Variants in C8orf34 observed in about 807,000 individuals in gnomAD.
C8orf34 encodes the protein chromosome 8 open reading frame 34, also known as uncharacterized protein C8orf34.
In C8orf34, 65 loss-of-function variants were observed where a neutral mutation model predicts 68.3. The observed-to-expected ratio is 0.95, with a 90% CI of 0.78 to 1.17. The LOEUF (loss-of-function observed/expected upper bound fraction) is 1.17. C8orf34 is among the 50% of genes most tolerant of loss of function. The pLI is 0.00. For missense variants in C8orf34, 664 were observed against 655.4 expected, an observed-to-expected ratio of 1.01 and a Z score of -0.14; for synonymous variants, 244 against 241.2, an observed-to-expected ratio of 1.01 and a Z score of -0.11.
intron 1 of C8orf34, among the ~76,000 whole-genome samples, chr8:68,342,495 AG>A (rs1425825539): frequency 5.3e-5 from 8 of 152,110 alleles, no homozygotes; most frequent in Non-Finnish European, 1.0e-4. Context: ...TCAGCAGTGT[AG>A]TAGCCCCCTC....
chr8:68,525,551 T>A, intron 6 of C8orf34: 1 of 907,758 alleles, frequency 1.1e-6, no homozygotes, highest in South Asian at 1.4e-5. Context: ...CCCTCCTGTG[T>A]GTCTTCGTCT....
intron 1 of C8orf34, among the ~76,000 whole-genome samples, chr8:68,408,389 A>T (rs571969443): frequency 8.9e-4 from 136 of 152,000 alleles, no homozygotes; most frequent in African/African-American, 3.0e-3. Context: ...TCATCCTGAA[A>T]CCATCCCCGC....
intron 7 of C8orf34, among the ~76,000 whole-genome samples, chr8:68,592,850 G>C (rs958195167): frequency 6.6e-6 from 1 of 151,648 alleles, no homozygotes; most frequent in African/African-American, 2.4e-5. Flanking sequence ...CTTGTGATTT[G>C]CCCACTTTGG....
chr8:68,484,081 T>G (rs1176059133), intron 4 of C8orf34, among the ~76,000 whole-genome samples: 1 of 152,232 alleles, frequency 6.6e-6, no homozygotes, highest in Non-Finnish European at 1.5e-5. Flanking sequence ...CATCTGCCTT[T>G]GGGGAGGCCT....
intron 1 of C8orf34, among the ~76,000 whole-genome samples, chr8:68,422,221 C>T (rs1810010582): frequency 6.6e-6 from 1 of 152,144 alleles, no homozygotes; most frequent in Admixed American, 6.6e-5. Context: ...CCCAAAAGTC[C>T]AAGTCCAAAG....
chr8:68,493,234 A>T (rs1162603877), intron 5 of C8orf34, among the ~76,000 whole-genome samples: 2 of 152,208 alleles, frequency 1.3e-5, no homozygotes. Flanking sequence ...TACACATCTG[A>T]TAAGAAGTTA....
intron 1 of C8orf34, among the ~76,000 whole-genome samples, chr8:68,372,501 G>A (rs1807602668): frequency 6.6e-6 from 1 of 152,046 alleles, no homozygotes; most frequent in Non-Finnish European, 1.5e-5. Flanking sequence ...TTCTCTGGTG[G>A]GCCAAGGGGT....
intron 7 of C8orf34, among the ~76,000 whole-genome samples, chr8:68,632,400 A>C (rs1260005825): frequency 4.6e-5 from 7 of 152,210 alleles, no homozygotes; most frequent in Non-Finnish European, 8.8e-5. Flanking sequence ...ATTCGTTCAC[A>C]AAGAAAAAAT....
chr8:68,420,684 T>C (rs1809928195), intron 1 of C8orf34, among the ~76,000 whole-genome samples: 1 of 152,108 alleles, frequency 6.6e-6, no homozygotes, highest in Admixed American at 6.6e-5. Flanking sequence ...GTTCAGGGGA[T>C]AGAGGCAATA....
intron 3 of C8orf34, among the ~76,000 whole-genome samples, chr8:68,448,927 TA>T (rs1811231241): frequency 2.6e-5 from 4 of 152,050 alleles, no homozygotes; most frequent in African/African-American, 9.6e-5. Flanking sequence ...ATCATAATCA[TA>T]AAAGGTTATT....
intron 12 of C8orf34, among the ~76,000 whole-genome samples, chr8:68,790,286 A>C (rs1290353375): frequency 2.0e-5 from 3 of 152,236 alleles, no homozygotes; most frequent in Non-Finnish European, 4.4e-5. Context: ...TTGTGAGCCC[A>C]GTATCTGATT....
intron 7 of C8orf34, among the ~76,000 whole-genome samples, chr8:68,629,395 C>A (rs1818625200): frequency 6.6e-6 from 1 of 152,202 alleles, no homozygotes; most frequent in Non-Finnish European, 1.5e-5. Flanking sequence ...CCTACTGAAT[C>A]TTCCTCTGAA....
rs575666789 is a variant in C8orf34, at chr8:68,537,892, T to G, written c.1105+4743T>G. Among the ~76,000 whole-genome samples, 4 of 152,304 alleles carry G rather than the reference T, an allele frequency of 2.6e-5. No homozygotes were observed. The South Asian group carries it at 8.3e-4, about 32-fold the overall frequency. On this transcript the variant is annotated intron_variant, in intron 7 of 13. Transcript: ENST00000518698. ...GCATGCCACCAAAATATATACATCA[T>G]CCTATGTGATTTACTTTTATGGTGT...
At chr8:68,381,031 TAAG>T (rs1333603233) in intron 1 of C8orf34, among the ~76,000 whole-genome samples, 13 of 152,174 alleles carry the variant, frequency 8.5e-5, no homozygotes, top group African/African-American at 2.7e-4. Context: ...AATTTACAAT[TAAG>T]AATACTAGAG....
At chr8:68,592,672 G>C (rs1466781782) in intron 7 of C8orf34, among the ~76,000 whole-genome samples, 1 of 140,736 alleles carries the variant, frequency 7.1e-6, no homozygotes, top group East Asian at 2.1e-4. Flanking sequence ...CATGTGGCGT[G>C]ATCTCGGTTC....
intron 1 of C8orf34, chr8:68,438,776 TG>T (rs1810772706): frequency 6.6e-6 from 1 of 151,910 alleles, no homozygotes; most frequent in African/African-American, 2.4e-5. Flanking sequence ...TGTTCCTGAC[TG>T]GAAAAAAAAA....
chr8:68,778,069 T>G (rs1273748428), intron 11 of C8orf34, among the ~76,000 whole-genome samples: 1 of 152,190 alleles, frequency 6.6e-6, no homozygotes, highest in Non-Finnish European at 1.5e-5. Context: ...TAGTAAACTA[T>G]TAACTTATGA....
At chr8:68,367,907 GAAAAGAAAAAAAAA>G (rs1807362214) in intron 1 of C8orf34, among the ~76,000 whole-genome samples, 1 of 15,034 alleles carries the variant, frequency 6.7e-5, no homozygotes, top group Non-Finnish European at 1.3e-4. Flanking sequence ...AATAAAAAAA[GAAAAGAAAAAAAAA>G]AAAAAAAAAA....
chr8:68,724,852 A>G (rs994873483), intron 10 of C8orf34, among the ~76,000 whole-genome samples: 4 of 152,088 alleles, frequency 2.6e-5, no homozygotes, highest in Non-Finnish European at 4.4e-5. Flanking sequence ...CATAATTTCT[A>G]TGGCTTTCTT....
Sources: allele counts gnomAD v4.1 joint callset (sites outside exome capture counted in the v4.1 genomes callset), GRCh38; gene constraint gnomAD v4.1.1; transcripts MANE v1.5; gene names NCBI Gene and HGNC (gene_info 2026-07-23, HGNC 2026-07-21).